DENND11: variants seen among roughly 807,000 people sequenced by gnomAD.
DENND11 encodes the protein DENN domain-containing protein 11.
Under a neutral mutation model 49.2 loss-of-function variants are expected in DENND11, and 34 were observed. The ratio of observed to expected loss-of-function variants is 0.69; its 90% confidence interval spans 0.53 to 0.92. The LOEUF is 0.92. Among genes scored for constraint, DENND11 ranks in the 40% least tolerant of loss-of-function variants. The pLI is 0.00. For missense variants in DENND11, 475 were observed against 581.6 expected, an observed-to-expected ratio of 0.82 and a Z score of 1.88; for synonymous variants, 238 against 230.3, an observed-to-expected ratio of 1.03 and a Z score of -0.30.
In DENND11 at chr7:141,658,507, C is replaced by G. The variant is rs1797734263; in HGVS notation, c.*4149G>C. The G allele has an allele frequency of 6.6e-6, 1 of 152,236 alleles. No homozygotes were observed. The highest frequency in any genetic ancestry group is 6.6e-5 in the Admixed American group (1 of 15,266). The allele number at this position is 152,236 out of a possible 1,614,324, so 9.4% of individuals were successfully genotyped here. The stretch of plus-strand genomic sequence containing the variant: ...AGGAGGGCTGGCCATTTGGCAGAAT[C>G]CAAGCCTACTAGCTTGGGATCTACT... On this transcript the variant is annotated 3_prime_UTR_variant, in exon 9 of 9. Transcript: ENST00000536163.
In DENND11 at chr7:141,666,883, G is replaced by A. The variant is rs17461666; in HGVS notation, c.682-458C>T. 8.8e-3 allele frequency among the ~76,000 whole-genome samples: 1,343 copies of A among 152,240 alleles called. 6 individuals carry two copies. The highest frequency in any genetic ancestry group is 0.017 in the Middle Eastern group (5 of 294). ...CTGCAGAAGTCACAGGTAGGAAGGA[G>A]CCCCTGGCATAACCCCTGCTGCACT... On this transcript the variant is annotated intron_variant, in intron 4 of 8. Transcript: ENST00000536163.
intron 1 of DENND11, among the ~76,000 whole-genome samples, chr7:141,690,163 G>C (rs755863181): frequency 6.6e-6 from 1 of 152,190 alleles, no homozygotes; most frequent in African/African-American, 2.4e-5. Flanking sequence ...CTTCTCTGCA[G>C]GCTTACTAGA....
rs1306127885 is a variant in DENND11 at position 141,660,532 on chromosome 7, T to G, written c.*2124A>C. The G allele has an allele frequency of 6.6e-6, 1 of 152,256 alleles. No individual in the cohort carries two copies. Among genetic ancestry groups the G allele is most frequent in the Non-Finnish European group, 1.5e-5 (1 of 68,044 alleles). 9.4% of individuals were successfully genotyped at this position (152,256 alleles called of 1,614,324 possible). ...ATGTTTACACCAGCACTTCTGAGCT[T>G]GCAGTTAAAACTGCAGTGTTTGCAT... On this transcript the variant is annotated 3_prime_UTR_variant, in exon 9 of 9. Coordinates refer to ENST00000536163, the MANE Select transcript of DENND11 (RefSeq NM_001080392.2).
intron 3 of DENND11, among the ~76,000 whole-genome samples, chr7:141,675,191 A>C (rs1411680420): frequency 6.6e-6 from 1 of 152,166 alleles, no homozygotes; most frequent in Non-Finnish European, 1.5e-5. Context: ...GGTGAACGTG[A>C]CGACAGAGAC....
At chr7:141,684,586 G>A (rs1798201453) in intron 3 of DENND11, among the ~76,000 whole-genome samples, 1 of 152,018 alleles carries the variant, frequency 6.6e-6, no homozygotes, top group African/African-American at 2.4e-5. Context: ...AATAATAAAC[G>A]TGTTTTCCAC....
chr7:141,676,968 C>T (rs991524888), intron 3 of DENND11, among the ~76,000 whole-genome samples: 1 of 152,160 alleles, frequency 6.6e-6, no homozygotes, highest in Admixed American at 6.5e-5. Context: ...TCTCCTTAAG[C>T]CCACAGCTCC....
intron 3 of DENND11, among the ~76,000 whole-genome samples, chr7:141,677,684 C>T (rs1416517054): frequency 6.6e-6 from 1 of 151,620 alleles, no homozygotes; most frequent in Admixed American, 6.6e-5. Flanking sequence ...TGTACACATC[C>T]TCTGATCTAA....
chr7:141,670,798 C>G (rs541508887), intron 4 of DENND11, among the ~76,000 whole-genome samples: 1 of 152,314 alleles, frequency 6.6e-6, no homozygotes, highest in South Asian at 2.1e-4. Context: ...TTTCAACTTA[C>G]AATAGGCTTA....
At chr7:141,676,638 G>T (rs1335930024) in intron 3 of DENND11, among the ~76,000 whole-genome samples, 2 of 152,172 alleles carry the variant, frequency 1.3e-5, no homozygotes, top group African/African-American at 4.8e-5. Flanking sequence ...CTGTATGAAA[G>T]ACTCAAAATT....
intron 1 of DENND11, among the ~76,000 whole-genome samples, chr7:141,698,979 A>G (rs569019010): frequency 6.6e-6 from 1 of 152,084 alleles, no homozygotes; most frequent in Non-Finnish European, 1.5e-5. Context: ...GGGGGGAGGA[A>G]GGATCTCCTA....
intron 3 of DENND11, among the ~76,000 whole-genome samples, chr7:141,680,854 C>T (rs1798137883): frequency 6.6e-6 from 1 of 152,036 alleles, no homozygotes; most frequent in South Asian, 2.1e-4. Context: ...GAACCACCTA[C>T]CCACAATGAA....
chr7:141,679,005 A>C (rs1316638135), intron 3 of DENND11, among the ~76,000 whole-genome samples: 1 of 152,278 alleles, frequency 6.6e-6, no homozygotes, highest in African/African-American at 2.4e-5. Flanking sequence ...CAAAAATTGT[A>C]GATGAAATAC....
chr7:141,681,876 A>G (rs1798152677), intron 3 of DENND11, among the ~76,000 whole-genome samples: 1 of 152,232 alleles, frequency 6.6e-6, no homozygotes, highest in South Asian at 2.1e-4. Flanking sequence ...AGAATCTTCT[A>G]GAAGACAAAG....
intron 1 of DENND11, among the ~76,000 whole-genome samples, chr7:141,695,024 G>A (rs1380782530): frequency 6.6e-6 from 1 of 152,118 alleles, no homozygotes; most frequent in Non-Finnish European, 1.5e-5. Flanking sequence ...CATTTACTAA[G>A]TATGTATTTC....
intron 4 of DENND11, among the ~76,000 whole-genome samples, chr7:141,670,442 A>G (rs915243463): frequency 1.3e-5 from 2 of 152,222 alleles, no homozygotes; most frequent in African/African-American, 2.4e-5. Context: ...AACAATAAGA[A>G]AATTTAATAC....
At chr7:141,676,363 T>A (rs898267470) in intron 3 of DENND11, among the ~76,000 whole-genome samples, 10 of 152,234 alleles carry the variant, frequency 6.6e-5, no homozygotes, top group African/African-American at 2.4e-4. Context: ...AAATATTTTT[T>A]CATTTTCTAG....
chr7:141,692,993 A>G (rs1798350688), intron 1 of DENND11, among the ~76,000 whole-genome samples: 1 of 152,244 alleles, frequency 6.6e-6, no homozygotes, highest in South Asian at 2.1e-4. Context: ...ACAATTCATG[A>G]AGGAAAAATG....
chr7:141,685,353 G>A lies in DENND11; in HGVS notation c.527+125C>T, dbSNP rs529856599. The A allele has an allele frequency of 2.9e-4, 355 of 1,212,744 alleles. 2 individuals are homozygous for A. The African/African-American group carries it at 4.7e-3, about 16-fold the overall frequency. The allele number at this position is 1,212,744 out of a possible 1,614,324, so 75.1% of individuals were successfully genotyped here. A position where few individuals can be genotyped will look rare whatever the true frequency, so the allele number is the denominator to read the frequency against. On this transcript the variant is annotated intron_variant, in intron 3 of 8. Coordinates refer to ENST00000536163, the MANE Select transcript of DENND11 (RefSeq NM_001080392.2). ...GACACCACCCGAGGCGTGAAACATC[G>A]CCATGGATGTTCTTGGAAAGACATC... is the stretch of plus-strand genomic sequence containing the variant.
At chr7:141,699,295 C>T (rs886779942) in intron 1 of DENND11, among the ~76,000 whole-genome samples, 2 of 152,042 alleles carry the variant, frequency 1.3e-5, no homozygotes, top group African/African-American at 2.4e-5. Context: ...CTCACTCCAC[C>T]GGAACCATCA....
Sources: gnomAD v4.1 joint callset for allele counts (sites outside exome capture counted in the v4.1 genomes callset) on GRCh38, gnomAD v4.1.1 for gene constraint, MANE v1.5 for transcripts, NCBI Gene and HGNC (gene_info 2026-07-23, HGNC 2026-07-21) for gene names.